The following KCNG2 variants were observed in gnomAD, a reference collection of about 807,000 sequenced individuals.
The protein encoded by KCNG2 is voltage-gated potassium channel regulatory subunit KCNG2.
In KCNG2, 7 loss-of-function variants were observed where a neutral mutation model predicts 12.3. The ratio of observed to expected loss-of-function variants is 0.57; its 90% CI spans 0.32 to 1.07. The LOEUF (loss-of-function observed/expected upper bound fraction) is 1.07. KCNG2 is among the 50% of genes least tolerant of loss of function. KCNG2 has a pLI of 0.04. For missense variants in KCNG2, 703 were observed against 726.0 expected (o/e 0.97, Z 0.36); for synonymous variants, 414 against 351.4 (o/e 1.18, Z -1.99).
chr18:79,865,186 G>C (rs1326422058), intron 3 of KCNG2, among the ~76,000 whole-genome samples: 2 of 146,324 alleles, frequency 1.4e-5, no homozygotes. Context: ...GAGAGGTCTG[G>C]GTGCTGAGAT....
At chr18:79,874,645 C>T (rs576924854) in intron 3 of KCNG2, among the ~76,000 whole-genome samples, 80 of 152,360 alleles carry the variant, frequency 5.3e-4, no homozygotes, top group African/African-American at 1.8e-3. Flanking sequence ...CGTCTGTCTG[C>T]GGGTCATTCT....
chr18:79,854,532 T>TTTG (rs1488366781), intron 1 of KCNG2, among the ~76,000 whole-genome samples: 1 of 149,210 alleles, frequency 6.7e-6, no homozygotes, highest in African/African-American at 2.5e-5. Context: ...TTCATTGGCT[T>TTTG]TTTTTTTTTT....
At chr18:79,823,202 C>T (rs1362104710) in intron 1 of KCNG2, among the ~76,000 whole-genome samples, 2 of 152,212 alleles carry the variant, frequency 1.3e-5, no homozygotes, top group African/African-American at 2.4e-5. Flanking sequence ...AGACCTTCCT[C>T]CTTCCGGCAC....
intron 3 of KCNG2, among the ~76,000 whole-genome samples, chr18:79,866,759 T>TAG (rs879383357): frequency 0.026 from 3,253 of 126,360 alleles, 70 homozygotes; most frequent in Non-Finnish European, 0.04. Flanking sequence ...TGCTGAGGTC[T>TAG]GTGTTCTGAG....
chr18:79,860,478 T>C (rs1228113264), intron 2 of KCNG2, among the ~76,000 whole-genome samples: 1 of 152,240 alleles, frequency 6.6e-6, no homozygotes, highest in Non-Finnish European at 1.5e-5. Context: ...CAGTTTTCAG[T>C]GTAGGTTTCA....
rs547406864 is a variant in KCNG2 at position 79,807,105 on chromosome 18, G to A, written c.-115+9091G>A. Reference sequence around the variant, plus strand: ...GTGGAGGAGAAAACTGACCCCGGGAGGGTTTGGTCTGGCCAGCGAGGGTCA... The same window carrying A: ...GTGGAGGAGAAAACTGACCCCGGGAAGGTTTGGTCTGGCCAGCGAGGGTCA... On this transcript the variant is annotated intron_variant, in intron 1 of 3. Transcript: ENST00000316249. Among the ~76,000 whole-genome samples the A allele has an allele frequency of 5.3e-5, 8 of 152,336 alleles. No individual in the cohort carries two copies. In the South Asian group the frequency reaches 1.7e-3, roughly 32 times the overall value.
intron 3 of KCNG2, among the ~76,000 whole-genome samples, chr18:79,882,121 G>A (rs1292999442): frequency 6.6e-6 from 1 of 152,204 alleles, no homozygotes; most frequent in Non-Finnish European, 1.5e-5. Context: ...ACATAGAGGT[G>A]GCCTTGCCAA....
At chr18:79,829,655 G>A (rs498541) in intron 1 of KCNG2, among the ~76,000 whole-genome samples, 45,867 of 151,906 alleles carry the variant, frequency 0.3, 7,871 homozygotes, top group South Asian at 0.52. Flanking sequence ...ACACCGGTCA[G>A]CCTCTGCTTC....
intron 2 of KCNG2, among the ~76,000 whole-genome samples, chr18:79,861,424 A>T (rs1599401181): frequency 6.6e-6 from 1 of 151,708 alleles, no homozygotes; most frequent in Non-Finnish European, 1.5e-5. Context: ...GATTACGGGC[A>T]CCTGCCACCA....
At chr18:79,808,203 C>G (rs1357640086) in intron 1 of KCNG2, among the ~76,000 whole-genome samples, 1 of 67,808 alleles carries the variant, frequency 1.5e-5, no homozygotes, top group South Asian at 1.1e-3. Context: ...GCTGCCGGGG[C>G]CTCGCTGACC....
At chr18:79,859,821 G>A (rs1979149288) in intron 2 of KCNG2, among the ~76,000 whole-genome samples, 1 of 152,144 alleles carries the variant, frequency 6.6e-6, no homozygotes, top group Admixed American at 6.5e-5. Flanking sequence ...CTGCTCCATT[G>A]ATTTTTATGT....
chr18:79,839,379 A>C (rs1240060590), intron 1 of KCNG2, among the ~76,000 whole-genome samples: 12 of 152,228 alleles, frequency 7.9e-5, no homozygotes, highest in African/African-American at 2.7e-4. Context: ...TCAGGAACAA[A>C]ATAGAGGACA....
Position 79,897,414 on chromosome 18 carries a change from G to A in KCNG2, c.625-1626G>A, listed in dbSNP as rs549755538. On this transcript the variant is annotated intron_variant, in intron 3 of 3. Coordinates refer to ENST00000316249, the MANE Select transcript of KCNG2 (RefSeq NM_012283.2). ...TGCACTTTTCAATTCCAGAATTTCC[G>A]TTTGGGTATTTTTTTAAATGTCCAT... Among the ~76,000 whole-genome samples the A allele has an allele frequency of 1.3e-4, 20 of 151,918 alleles. No individual in the cohort carries two copies. The South Asian group carries it at 1.7e-3, about 13-fold the overall frequency.
chr18:79,824,883 T>C (rs1194484758), intron 1 of KCNG2, among the ~76,000 whole-genome samples: 1 of 152,234 alleles, frequency 6.6e-6, no homozygotes, highest in East Asian at 1.9e-4. Flanking sequence ...GTTTAGAATT[T>C]CTGCATTGGT....
At chr18:79,879,782 A>T (rs1980223124) in intron 3 of KCNG2, among the ~76,000 whole-genome samples, 1 of 152,146 alleles carries the variant, frequency 6.6e-6, no homozygotes, top group Non-Finnish European at 1.5e-5. Flanking sequence ...CTGAATGGAA[A>T]CGCACGCGTG....
intron 1 of KCNG2, among the ~76,000 whole-genome samples, chr18:79,851,260 CAAT>C (rs1978806245): frequency 1.3e-5 from 2 of 152,132 alleles, no homozygotes; most frequent in African/African-American, 4.8e-5. Flanking sequence ...TTGCAAGAAT[CAAT>C]ATTATCTTTA....
At chr18:79,899,000 G>A in intron 3 of KCNG2, 40 bp from the exon 4 acceptor site, 8 of 1,429,856 alleles carry the variant, frequency 5.6e-6, no homozygotes, top group Non-Finnish European at 7.4e-6. Flanking sequence ...GGCCCTCCAA[G>A]AGGCCTGCGC....
intron 3 of KCNG2, among the ~76,000 whole-genome samples, chr18:79,870,033 GC>G (rs1176933295): frequency 6.6e-6 from 1 of 152,216 alleles, no homozygotes; most frequent in Non-Finnish European, 1.5e-5. Context: ...CCACCTCTGG[GC>G]CCCCAGCCAC....
At chr18:79,885,303 C>T (rs1034827532) in intron 3 of KCNG2, among the ~76,000 whole-genome samples, 2 of 152,244 alleles carry the variant, frequency 1.3e-5, no homozygotes, top group Non-Finnish European at 2.9e-5. Context: ...CCAGGCTGAA[C>T]GTAGACTTTT....
Sources: gnomAD v4.1 joint callset for allele counts (sites outside exome capture counted in the v4.1 genomes callset) on GRCh38, gnomAD v4.1.1 for gene constraint, MANE v1.5 for transcripts, NCBI Gene and HGNC (gene_info 2026-07-23, HGNC 2026-07-21) for gene names.